SCEL: variants seen among roughly 807,000 people sequenced by gnomAD.
SCEL encodes sciellin.
A neutral mutation model predicts 117.6 loss-of-function variants in SCEL; 113 were observed. The observed-to-expected ratio is 0.96, with a 90% CI of 0.83 to 1.12. SCEL has a LOEUF of 1.12. Among genes scored for constraint, SCEL ranks in the 50% most tolerant of loss-of-function variants. The pLI is 0.00. For missense variants in SCEL, 785 were observed against 810.8 expected (o/e 0.97, Z 0.39); for synonymous variants, 270 against 256.2 (o/e 1.05, Z -0.51).
intron 16 of SCEL, 137 bp downstream of exon 16, chr13:77,602,261 A>T (rs2087762781): frequency 1.6e-6 from 1 of 632,740 alleles, no homozygotes; most frequent in Non-Finnish European, 2.6e-6. Flanking sequence ...CTAGTAGGCA[A>T]AAGGAATATG....
intron 6 of SCEL, 77 bp from the exon 7 acceptor site, chr13:77,568,218 A>G (rs2085392566): frequency 1.1e-6 from 1 of 906,044 alleles, no homozygotes; most frequent in Non-Finnish European, 1.8e-6. Flanking sequence ...TAAAACTCTA[A>G]ATTCAGGAAT....
At chr13:77,553,702 G>C (rs1380450505) in intron 1 of SCEL, among the ~76,000 whole-genome samples, 1 of 151,728 alleles carries the variant, frequency 6.6e-6, no homozygotes, top group Non-Finnish European at 1.5e-5. Context: ...CGTCTCCTAT[G>C]TCTTTGCTCT....
At chr13:77,614,046 A>G in intron 24 of SCEL, 91 bp downstream of exon 24, 2 of 1,061,810 alleles carry the variant, frequency 1.9e-6, no homozygotes, top group Non-Finnish European at 2.9e-6. Context: ...GGGCAAATTG[A>G]ATATAAATCT....
chr13:77,594,697 G>A (rs1351117705), intron 12 of SCEL, among the ~76,000 whole-genome samples: 1 of 152,218 alleles, frequency 6.6e-6, no homozygotes, highest in Non-Finnish European at 1.5e-5. Flanking sequence ...TACAGTGTGT[G>A]ACATGATGCT....
chr13:77,547,894 C>T (rs1414071542), intron 1 of SCEL, among the ~76,000 whole-genome samples: 1 of 152,184 alleles, frequency 6.6e-6, no homozygotes, highest in Non-Finnish European at 1.5e-5. Flanking sequence ...ATCCCAGAAC[C>T]TCTGGGATGC....
chr13:77,569,330 G>C, intron 7 of SCEL, 41 bp from the exon 8 acceptor site: 2 of 1,506,434 alleles, frequency 1.3e-6, no homozygotes, highest in Non-Finnish European at 1.8e-6. Context: ...AAATGAAAAA[G>C]TTTGAGAGTG....
intron 10 of SCEL, among the ~76,000 whole-genome samples, chr13:77,590,062 G>A (rs1454174962): frequency 2.0e-5 from 3 of 151,954 alleles, no homozygotes; most frequent in East Asian, 1.9e-4. Flanking sequence ...TTTGCTCTTC[G>A]ATGGTGATTT....
intron 27 of SCEL, among the ~76,000 whole-genome samples, chr13:77,620,226 G>C (rs1353265650): frequency 1.3e-5 from 2 of 152,118 alleles, no homozygotes; most frequent in Non-Finnish European, 1.5e-5. Flanking sequence ...AGGAAAGACT[G>C]AACCATCTAT....
chr13:77,538,002 T>C (rs9574082), intron 1 of SCEL, among the ~76,000 whole-genome samples: 86,977 of 152,024 alleles, frequency 0.57, 26,192 homozygotes, highest in South Asian at 0.74. Flanking sequence ...TTCTAGACCA[T>C]TTGTTGATCA....
chr13:77,588,269 A>G (rs548785864), intron 9 of SCEL, among the ~76,000 whole-genome samples: 2 of 152,312 alleles, frequency 1.3e-5, no homozygotes, highest in Middle Eastern at 3.4e-3. Flanking sequence ...TAGAAAGATT[A>G]TTACAGATGA....
chr13:77,538,535 C>T (rs1214153052), intron 1 of SCEL, among the ~76,000 whole-genome samples: 2 of 152,120 alleles, frequency 1.3e-5, no homozygotes, highest in African/African-American at 4.8e-5. Context: ...GAAGCTCTTC[C>T]TCACATGGAT....
chr13:77,631,767 A>G (rs2090031808), intron 28 of SCEL, among the ~76,000 whole-genome samples: 1 of 152,274 alleles, frequency 6.6e-6, no homozygotes, highest in African/African-American at 2.4e-5. Context: ...TAAATCTTCC[A>G]TGAAGGCATT....
intron 12 of SCEL, among the ~76,000 whole-genome samples, chr13:77,596,349 T>G (rs1263367336): frequency 6.6e-6 from 1 of 151,810 alleles, no homozygotes; most frequent in Non-Finnish European, 1.5e-5. Context: ...AAAAAAAGTA[T>G]AGCAAGCATT....
chr13:77,613,000 T>C (rs1208434033), intron 23 of SCEL, 59 bp downstream of exon 23: 8 of 958,732 alleles, frequency 8.3e-6, no homozygotes, highest in Non-Finnish European at 1.3e-5. Flanking sequence ...TGCCCCAAAA[T>C]AAGATTAATT....
At chr13:77,586,796 A>G (rs542153485) in intron 9 of SCEL, among the ~76,000 whole-genome samples, 19 of 152,304 alleles carry the variant, frequency 1.2e-4, no homozygotes, top group Non-Finnish European at 2.2e-4. Context: ...TTTCCCTTTC[A>G]GATTCCCAGC....
chr13:77,637,264 ATATACACACACACAGG>A (rs1452463837), intron 30 of SCEL, 70 bp downstream of exon 30: 3 of 438,914 alleles, frequency 6.8e-6, no homozygotes, highest in Admixed American at 3.8e-5. Flanking sequence ...ATATATATAT[ATATACACACACACAGG>A]CACACACACA....
intron 9 of SCEL, among the ~76,000 whole-genome samples, chr13:77,575,345 T>G (rs1247240028): frequency 2.0e-5 from 3 of 152,346 alleles, no homozygotes; most frequent in South Asian, 4.1e-4. Context: ...ATCTTTATAA[T>G]TAATATATCT....
At position 77,617,655 on chromosome 13, in the gene SCEL, A is replaced by G; in HGVS notation, c.1508A>G (p.Gln503Arg). 2.5e-6 allele frequency: 4 copies of G among 1,585,004 alleles called. No homozygotes were observed. The highest frequency in any genetic ancestry group is 1.4e-5 in the African/African-American group (1 of 73,926). The change falls in exon 25 of 33, where the codon CAA becomes CGA. Residue 503 changes from glutamine (Q) to arginine (R), a missense_variant. Gln to Arg is a conservative substitution (Grantham distance 43, BLOSUM62 1). Coordinates refer to ENST00000349847, the MANE Select transcript of SCEL (RefSeq NM_144777.3). ...KVNPEIFTNN[Q>R]RNQDLANLIK... Reference sequence around the variant, plus strand: ...AATCCTGAAATTTTCACAAACAACCAAAGGTAATAAAACTATGTTGTTTTA... The same window carrying G: ...AATCCTGAAATTTTCACAAACAACCGAAGGTAATAAAACTATGTTGTTTTA...
At chr13:77,614,071 A>G in intron 24 of SCEL, 116 bp downstream of exon 24, 1 of 879,086 alleles carries the variant, frequency 1.1e-6, no homozygotes, top group Non-Finnish European at 1.8e-6. Flanking sequence ...ATATCATCAC[A>G]GGTGGAAACC....
Sources: allele counts gnomAD v4.1 joint callset (sites outside exome capture counted in the v4.1 genomes callset), GRCh38; gene constraint gnomAD v4.1.1; transcripts MANE v1.5; gene names NCBI Gene and HGNC (gene_info 2026-07-23, HGNC 2026-07-21).